Variants in TPM1 observed in about 807,000 individuals in gnomAD.
TPM1 encodes tropomyosin alpha-1 chain.
TPM1 carries 24 observed loss-of-function variants against 42.9 expected under a neutral mutation model. That is an observed-to-expected ratio of 0.56 (90% CI 0.41 to 0.79). The LOEUF (loss-of-function observed/expected upper bound fraction) is 0.79. Among genes scored for constraint, TPM1 ranks in the 30% least tolerant of loss-of-function variants. The pLI is 0.00. For missense variants in TPM1, 158 were observed against 351.8 expected (o/e 0.45, Z 4.41); for synonymous variants, 136 against 130.1 (o/e 1.05, Z -0.31).
At chr15:63,068,874 C>T (rs995231146), downstream of TPM1, among the ~76,000 whole-genome samples, 2 of 152,126 alleles carry the variant, frequency 1.3e-5, no homozygotes, top group Admixed American at 6.5e-5. Context: ...TAGGGCTGGG[C>T]GCGGTGGCTC....
chr15:63,063,460 A>C (rs1416756492), intron 8 of TPM1: 1 of 820,742 alleles, frequency 1.2e-6, no homozygotes, highest in Non-Finnish European at 1.5e-6. Flanking sequence ...ATTGCTTTTC[A>C]AGCCTCCTGG....
chr15:63,067,905 G>A (rs930997855), downstream of TPM1, among the ~76,000 whole-genome samples: 1 of 152,142 alleles, frequency 6.6e-6, no homozygotes, highest in Non-Finnish European at 1.5e-5. Context: ...CCTGCCTTTG[G>A]GCCACCCATG....
downstream of TPM1, chr15:63,070,024 T>A: frequency 6.2e-7 from 1 of 1,603,626 alleles, no homozygotes; most frequent in Non-Finnish European, 8.5e-7. Context: ...TACCTTCAAC[T>A]AATAGAGTTG....
At chr15:63,053,664 G>A (rs2034292163) in intron 2 of TPM1, among the ~76,000 whole-genome samples, 1 of 146,542 alleles carries the variant, frequency 6.8e-6, no homozygotes, top group Non-Finnish European at 1.5e-5. Context: ...GACACGGCCT[G>A]GAAGTTTGAT....
chr15:63,053,297 G>A (rs1246835810), intron 2 of TPM1, among the ~76,000 whole-genome samples: 1 of 152,178 alleles, frequency 6.6e-6, no homozygotes, highest in Non-Finnish European at 1.5e-5. Context: ...CTTTTGTGGG[G>A]AGTTGGGGTG....
downstream of TPM1, among the ~76,000 whole-genome samples, chr15:63,068,609 A>G (rs2036416773): frequency 6.6e-6 from 1 of 152,162 alleles, no homozygotes; most frequent in African/African-American, 2.4e-5. Context: ...AGTTGTCACC[A>G]GCATTCAAAG....
intron 2 of TPM1, chr15:63,056,632 A>T (rs990852649): frequency 1.2e-5 from 4 of 327,952 alleles, no homozygotes; most frequent in Non-Finnish European, 2.4e-5. Context: ...GTGCCACTGC[A>T]CCCCAGCCTG....
chr15:63,047,370 C>T (rs555819441), intron 2 of TPM1: 1 of 152,336 alleles, frequency 6.6e-6, no homozygotes, highest in African/African-American at 2.4e-5. Flanking sequence ...CTTTCTGTGA[C>T]AAACCTGAGG....
rs2035776372 is a variant in TPM1, at chr15:63,062,514, CTA to C, written c.703-60_703-59del. 10 of 1,570,428 alleles carry C rather than the reference CTA, an allele frequency of 6.4e-6. No homozygotes were observed. The South Asian group carries it at 8.9e-5, about 14-fold the overall frequency. The stretch of plus-strand genomic sequence containing the variant: ...CTTCATTTTCATCCTCTAGTTTTCC[CTA>C]TGTTTGTAGCTACAGGAAACATAAA... On this transcript the variant is annotated intron_variant, in intron 7 of 9. Transcript: ENST00000403994.
Position 63,062,850 on chromosome 15 carries a change from G to A in TPM1, c.772+205G>A, listed in dbSNP as rs780385364. ...TCACGAGGTGACTAGTTAGCCACCA[G>A]CCATAGTGGCAAATGCCATCCAGCT... On this transcript the variant is annotated intron_variant, in intron 8 of 9. Coordinates refer to ENST00000403994, the MANE Select transcript of TPM1 (RefSeq NM_001018005.2). 9 of 1,525,770 alleles carry A rather than the reference G, an allele frequency of 5.9e-6. 1 individual carries two copies. In the South Asian group the frequency reaches 1.1e-4, roughly 18 times the overall value. 94.5% of individuals were successfully genotyped at this position (1,525,770 alleles called of 1,614,324 possible). A position where few individuals can be genotyped will look rare whatever the true frequency, so the allele number is the denominator to read the frequency against.
chr15:63,070,228 T>C, downstream of TPM1: 1 of 1,196,204 alleles, frequency 8.4e-7, no homozygotes, highest in East Asian at 5.1e-5. Flanking sequence ...TGATAAATAA[T>C]GAGGAGCCCC....
rs993696289 is a variant in TPM1, at chr15:63,061,471, AAGG to A, written c.564-239_564-237del. 36 of 740,118 alleles carry A rather than the reference AAGG, an allele frequency of 4.9e-5. No individual in the cohort carries two copies. In the African/African-American group the frequency reaches 5.8e-4, roughly 12 times the overall value. The allele number at this position is 740,118 out of a possible 1,614,324, so 45.8% of individuals were successfully genotyped here. ...ATAAATGCTCTTTGGGCAGCCAAAA[AAGG>A]AGCCAAATTATCGCACTTCAAAGTT... On this transcript the variant is annotated intron_variant, in intron 5 of 9. Transcript: ENST00000403994.
At chr15:63,069,957 A>C (rs1459839692), downstream of TPM1, 3 of 1,613,824 alleles carry the variant, frequency 1.9e-6, no homozygotes, top group East Asian at 6.7e-5. Flanking sequence ...TAAGAGTGAA[A>C]AAACTTGGGC....
downstream of TPM1, among the ~76,000 whole-genome samples, chr15:63,067,837 G>A (rs2036367545): frequency 6.6e-6 from 1 of 152,198 alleles, no homozygotes. Flanking sequence ...TCAGACAGCT[G>A]GGAGTCTCCA....
intron 1 of TPM1, 131 bp from the exon 2 acceptor site, chr15:63,043,896 C>T: frequency 6.4e-7 from 1 of 1,551,846 alleles, no homozygotes; most frequent in Non-Finnish European, 8.7e-7. Flanking sequence ...CTCTCTCTCC[C>T]TCCCTGTCTT....
chr15:63,060,801 C>T (rs879064830), intron 4 of TPM1, 68 bp from the exon 5 acceptor site: 2 of 1,557,502 alleles, frequency 1.3e-6, no homozygotes, highest in Non-Finnish European at 1.8e-6. Context: ...TGATCTCTAC[C>T]CCCATGCCCT....
chr15:63,054,839 G>C (rs2034521616), intron 2 of TPM1, among the ~76,000 whole-genome samples: 2 of 152,122 alleles, frequency 1.3e-5, no homozygotes, highest in Admixed American at 1.3e-4. Context: ...TTGTGTGCTT[G>C]GTTTTTTTGT....
At chr15:63,070,236 C>T (rs1176124143), downstream of TPM1, 1 of 1,175,316 alleles carries the variant, frequency 8.5e-7, no homozygotes, top group East Asian at 5.4e-5. Flanking sequence ...AATGAGGAGC[C>T]CCCCCAAAAA....
intron 8 of TPM1, 30 bp downstream of exon 8, chr15:63,062,675 A>T: frequency 6.2e-7 from 1 of 1,614,190 alleles, no homozygotes; most frequent in Non-Finnish European, 8.5e-7. Flanking sequence ...TTTTAGTTTA[A>T]TCCTTATGGT....
Sources: gnomAD v4.1 joint callset for allele counts (sites outside exome capture counted in the v4.1 genomes callset) on GRCh38, gnomAD v4.1.1 for gene constraint, MANE v1.5 for transcripts, NCBI Gene and HGNC (gene_info 2026-07-23, HGNC 2026-07-21) for gene names.